WDFY3: variants seen among roughly 807,000 people sequenced by gnomAD.
WDFY3 encodes WD repeat and FYVE domain containing 3, also known as WD repeat and FYVE domain-containing protein 3.
WDFY3 carries 66 observed loss-of-function variants against 409.6 expected under a neutral mutation model. The observed-to-expected ratio is 0.16, with a 90% CI of 0.13 to 0.20. WDFY3 has a LOEUF of 0.20. WDFY3 is among the 10% of genes least tolerant of loss of function. The pLI, the probability that WDFY3 is intolerant of heterozygous loss-of-function variation, is 1.00. For missense variants in WDFY3, 3,031 were observed against 4,298.1 expected (o/e 0.71, Z 8.24); for synonymous variants, 1,521 against 1,537.1 (o/e 0.99, Z 0.25).
chr4:84,836,752 T>C (rs779347677), intron 7 of WDFY3, among the ~76,000 whole-genome samples, 177 bp downstream of exon 7: 4 of 152,196 alleles, frequency 2.6e-5, no homozygotes, highest in Non-Finnish European at 5.9e-5. Flanking sequence ...CTGAAAAGAA[T>C]ATTTCAATAT....
At chr4:84,868,127 A>C (rs11735743) in intron 3 of WDFY3, among the ~76,000 whole-genome samples, 1 of 140,402 alleles carries the variant, frequency 7.1e-6, no homozygotes, top group Non-Finnish European at 1.5e-5. Context: ...AGCCGAGATC[A>C]TGCCACTGCA....
chr4:84,895,697 T>C (rs1214922147), intron 3 of WDFY3, among the ~76,000 whole-genome samples: 2 of 152,228 alleles, frequency 1.3e-5, no homozygotes, highest in Admixed American at 6.5e-5. Flanking sequence ...ATCTTAATGA[T>C]GCTTTCAGCG....
chr4:84,893,045 T>C (rs1371026169), intron 3 of WDFY3, among the ~76,000 whole-genome samples: 1 of 152,208 alleles, frequency 6.6e-6, no homozygotes, highest in Non-Finnish European at 1.5e-5. Context: ...TGAACAACTG[T>C]AATGAAACCA....
At chr4:84,948,614 C>T (rs754097841) in intron 1 of WDFY3, among the ~76,000 whole-genome samples, 1 of 152,136 alleles carries the variant, frequency 6.6e-6, no homozygotes. Flanking sequence ...CATTACCCAG[C>T]CTTCATACTG....
chr4:84,840,968 T>C (rs867984572), intron 6 of WDFY3, among the ~76,000 whole-genome samples, 186 bp downstream of exon 6: 5 of 152,194 alleles, frequency 3.3e-5, no homozygotes, highest in South Asian at 2.1e-4. Flanking sequence ...GTAAAATGCA[T>C]CGAACATCAA....
Position 84,672,872 on chromosome 4 carries a change from C to A in WDFY3, c.10577G>T (p.Cys3526Phe). The A allele has an allele frequency of 6.2e-7, 1 of 1,608,378 alleles. No individual in the cohort carries two copies. The highest frequency in any genetic ancestry group is 8.5e-7 in the Non-Finnish European group (1 of 1,176,590). ...TCCACTCAGCTTGTTGAATCTTCAA[C>A]AATTTCGAGGCCCATCTTCTGAACC... Reference protein sequence around the residue: ...ERGSEDGPRNC With the variant: ...ERGSEDGPRNF The change falls in exon 68 of 68, where the codon TGT (cysteine) becomes TTT (phenylalanine). Residue 3526 changes from cysteine to phenylalanine, a missense_variant. Transcript: ENST00000295888.
chr4:84,939,498 T>C (rs896155819), intron 1 of WDFY3, among the ~76,000 whole-genome samples: 3 of 152,172 alleles, frequency 2.0e-5, no homozygotes, highest in Non-Finnish European at 2.9e-5. Flanking sequence ...TAATATCTAC[T>C]ACGCTAGCTA....
chr4:84,730,170 A>T (rs1007788459), intron 44 of WDFY3, among the ~76,000 whole-genome samples: 6 of 152,090 alleles, frequency 3.9e-5, no homozygotes, highest in Non-Finnish European at 7.4e-5. Context: ...TATATTCATA[A>T]TTTTTACTCT....
Position 84,826,986 on chromosome 4 carries a change from A to G in WDFY3, c.957-5T>C. 6.2e-7 allele frequency: 1 copy of G among 1,602,164 alleles called. No homozygotes were observed. Among genetic ancestry groups the G allele is most frequent in the African/African-American group, 1.3e-5 (1 of 74,248 alleles). On this transcript the variant is annotated splice_region_variant and splice_polypyrimidine_tract_variant and intron_variant, in intron 9 of 67. Coordinates refer to ENST00000295888, the MANE Select transcript of WDFY3 (RefSeq NM_014991.6). ...GCCTCTTTTGCTTGTTCCAATCTAG[A>G]AAAGTATGATTTAGAAAGTATTTTT... is the stretch of plus-strand genomic sequence containing the variant.
chr4:84,681,661 C>A (rs1253256689), intron 64 of WDFY3, among the ~76,000 whole-genome samples: 1 of 152,188 alleles, frequency 6.6e-6, no homozygotes, highest in Non-Finnish European at 1.5e-5. Context: ...GAGAAACAAT[C>A]TGAAGGTCAA....
At chr4:84,812,414 T>C (rs1455042635) in intron 13 of WDFY3, among the ~76,000 whole-genome samples, 1 of 152,044 alleles carries the variant, frequency 6.6e-6, no homozygotes, top group Non-Finnish European at 1.5e-5. Flanking sequence ...TCAGGATGCT[T>C]GGGGTCATAT....
At chr4:84,880,346 C>G (rs563478765) in intron 3 of WDFY3, among the ~76,000 whole-genome samples, 1 of 152,174 alleles carries the variant, frequency 6.6e-6, no homozygotes, top group East Asian at 1.9e-4. Flanking sequence ...CAAGTAAGAA[C>G]ATGGTCATTT....
At chr4:84,940,918 A>T (rs1772030153) in intron 1 of WDFY3, among the ~76,000 whole-genome samples, 1 of 152,042 alleles carries the variant, frequency 6.6e-6, no homozygotes, top group South Asian at 2.1e-4. Flanking sequence ...AAAGATTAAA[A>T]ACCATATAAT....
At chr4:84,748,631 T>C (rs1040323033) in intron 36 of WDFY3, among the ~76,000 whole-genome samples, 3 of 152,202 alleles carry the variant, frequency 2.0e-5, no homozygotes, top group African/African-American at 7.2e-5. Flanking sequence ...ACTTCCCTTG[T>C]ATTTGGCCTC....
rs1755925304 is a variant in WDFY3 at position 84,832,737 on chromosome 4, T to A, written c.577-1132A>T. On this transcript the variant is annotated intron_variant, in intron 7 of 67. Transcript: ENST00000295888. ...GTCCTACTTATATCACCTGATTTTT[T>A]AAAAAACATTTACTATCCTCTCTTC... 2.6e-5 allele frequency among the ~76,000 whole-genome samples: 4 copies of A among 152,276 alleles called. No individual in the cohort carries two copies. The South Asian group carries it at 8.3e-4, about 32-fold the overall frequency.
intron 62 of WDFY3, among the ~76,000 whole-genome samples, chr4:84,684,344 G>A (rs1270158644): frequency 6.6e-6 from 1 of 152,168 alleles, no homozygotes; most frequent in African/African-American, 2.4e-5. Context: ...TGGATGCAGT[G>A]GCCAAAGGGA....
At chr4:84,799,881 T>C (rs1750192770) in intron 17 of WDFY3, among the ~76,000 whole-genome samples, 1 of 152,224 alleles carries the variant, frequency 6.6e-6, no homozygotes, top group Non-Finnish European at 1.5e-5. Flanking sequence ...TTGTGAAAAC[T>C]GACCATACCC....
At chr4:84,800,080 G>A (rs1165769996) in intron 17 of WDFY3, among the ~76,000 whole-genome samples, 4 of 152,168 alleles carry the variant, frequency 2.6e-5, no homozygotes, top group African/African-American at 9.7e-5. Context: ...TTAGGACGGT[G>A]AGTACAACTA....
intron 44 of WDFY3, among the ~76,000 whole-genome samples, chr4:84,729,815 T>C (rs1736286445): frequency 1.3e-5 from 2 of 152,102 alleles, no homozygotes; most frequent in African/African-American, 4.8e-5. Context: ...TACTGAGAAA[T>C]AATAATTATT....
Sources: allele counts gnomAD v4.1 joint callset (sites outside exome capture counted in the v4.1 genomes callset), GRCh38; gene constraint gnomAD v4.1.1; transcripts MANE v1.5; gene names NCBI Gene and HGNC (gene_info 2026-07-23, HGNC 2026-07-21).